The following PACRG variants were observed in gnomAD, a reference collection of about 807,000 sequenced individuals.
PACRG encodes the protein parkin coregulated gene protein.
A neutral mutation model predicts 29.7 loss-of-function variants in PACRG; 29 were observed. The ratio of observed to expected loss-of-function variants is 0.98; its 90% confidence interval spans 0.73 to 1.33. The LOEUF is 1.33. PACRG is among the 40% of genes most tolerant of loss of function. PACRG has a pLI of 0.00. For synonymous variants in PACRG, 116 were observed against 118.7 expected (o/e 0.98, Z 0.15); for missense variants, 279 against 316.2 (o/e 0.88, Z 0.89).
intron 4 of PACRG, among the ~76,000 whole-genome samples, chr6:163,173,490 CG>C (rs1286336187): frequency 1.3e-5 from 2 of 152,132 alleles, no homozygotes; most frequent in East Asian, 3.9e-4. Context: ...TTTTAGAAAA[CG>C]AAGCATGAAT....
At chr6:163,069,597 AAC>A (rs1321625136) in intron 3 of PACRG, among the ~76,000 whole-genome samples, 2 of 151,652 alleles carry the variant, frequency 1.3e-5, no homozygotes, top group African/African-American at 4.9e-5. Flanking sequence ...GCTATTGGAA[AAC>A]ACACACTCAG....
At chr6:163,283,778 G>A (rs1291440221) in intron 4 of PACRG, among the ~76,000 whole-genome samples, 6 of 146,608 alleles carry the variant, frequency 4.1e-5, no homozygotes, top group African/African-American at 1.0e-4. Flanking sequence ...TCCGCAGTCC[G>A]GCCTGGGCGA....
chr6:162,865,130 G>A (rs1405881549), intron 2 of PACRG, among the ~76,000 whole-genome samples: 1 of 152,090 alleles, frequency 6.6e-6, no homozygotes, highest in Non-Finnish European at 1.5e-5. Flanking sequence ...AAGAAACCTA[G>A]GAAAATGGCC....
intron 4 of PACRG, among the ~76,000 whole-genome samples, chr6:163,203,115 A>G (rs535865044): frequency 3.3e-5 from 5 of 152,144 alleles, no homozygotes; most frequent in South Asian, 2.1e-4. Flanking sequence ...AGCACTGTAG[A>G]TGGGACCAGG....
chr6:162,934,426 G>T (rs1798092581), intron 2 of PACRG, among the ~76,000 whole-genome samples: 1 of 152,126 alleles, frequency 6.6e-6, no homozygotes, highest in South Asian at 2.1e-4. Flanking sequence ...GAGGTTCAGG[G>T]TGACAAATAT....
intron 1 of PACRG, among the ~76,000 whole-genome samples, chr6:162,753,806 G>A (rs1781696724): frequency 6.6e-6 from 1 of 152,100 alleles, no homozygotes; most frequent in African/African-American, 2.4e-5. Flanking sequence ...TGCCATGATT[G>A]TAATTTTCCT....
chr6:163,269,906 G>GA lies in PACRG; in HGVS notation c.614-44918dup, dbSNP rs1208314620. Among the ~76,000 whole-genome samples, 18 of 63,656 alleles carry GA rather than the reference G, an allele frequency of 2.8e-4. 3 individuals carry two copies. The highest frequency in any genetic ancestry group is 1.4e-3 in the African/African-American group (17 of 11,892). 41.8% of individuals were successfully genotyped at this position (63,656 alleles called of 152,430 possible). A position where few individuals can be genotyped will look rare whatever the true frequency, so the allele number is the denominator to read the frequency against. On this transcript the variant is annotated intron_variant, in intron 4 of 4. Coordinates refer to ENST00000366888, the MANE Select transcript of PACRG (RefSeq NM_001080379.2). Reference sequence around the variant, plus strand: ...GAAAGAAAGAAAACAAAGAAAGAAAGAAAGAAAGAAAGAAAGAAAGAAAAC... The same window carrying GA: ...GAAAGAAAGAAAACAAAGAAAGAAAGAAAAGAAAGAAAGAAAGAAAGAAAAC...
chr6:162,937,304 CAT>C (rs1419186020), intron 2 of PACRG, among the ~76,000 whole-genome samples: 5 of 152,160 alleles, frequency 3.3e-5, no homozygotes, highest in African/African-American at 1.2e-4. Flanking sequence ...ATCATCTTAA[CAT>C]GTGGTATCAG....
chr6:163,016,656 A>G (rs1482509673), intron 2 of PACRG, among the ~76,000 whole-genome samples: 4 of 152,138 alleles, frequency 2.6e-5, no homozygotes, highest in African/African-American at 9.7e-5. Context: ...TTTTTATGAT[A>G]TGCAAGCACA....
At chr6:163,248,377 T>G (rs1037127255) in intron 4 of PACRG, among the ~76,000 whole-genome samples, 8 of 151,756 alleles carry the variant, frequency 5.3e-5, no homozygotes, top group African/African-American at 1.9e-4. Flanking sequence ...CTCAGCACCC[T>G]TTCAAGATAT....
chr6:163,026,848 G>T (rs1807179116), intron 2 of PACRG, among the ~76,000 whole-genome samples: 1 of 152,246 alleles, frequency 6.6e-6, no homozygotes, highest in Admixed American at 6.5e-5. Context: ...TTACAGAAGA[G>T]GTGCCGTAGC....
chr6:162,810,827 T>C (rs187525527), intron 1 of PACRG, among the ~76,000 whole-genome samples: 11 of 152,190 alleles, frequency 7.2e-5, no homozygotes, highest in East Asian at 1.9e-4. Context: ...ATTAATGTCA[T>C]TGGAGTCTAC....
At chr6:162,771,953 A>G (rs1479736657) in intron 1 of PACRG, among the ~76,000 whole-genome samples, 1 of 152,158 alleles carries the variant, frequency 6.6e-6, no homozygotes, top group Non-Finnish European at 1.5e-5. Flanking sequence ...AGGATAAAAT[A>G]CCCTGCTCTG....
chr6:162,747,324 T>TCATATATATA (rs1781068885), intron 1 of PACRG, among the ~76,000 whole-genome samples: 1 of 39,578 alleles, frequency 2.5e-5, no homozygotes, highest in Non-Finnish European at 4.7e-5. Flanking sequence ...CTCTCCTTGC[T>TCATATATATA]CATATATATA....
intron 4 of PACRG, among the ~76,000 whole-genome samples, chr6:163,271,154 A>C (rs1783810638): frequency 6.6e-6 from 1 of 152,180 alleles, no homozygotes; most frequent in African/African-American, 2.4e-5. Context: ...AGCTTCCAGC[A>C]CGGGAGAAAG....
In PACRG at chr6:163,255,350, A is replaced by C. The variant is rs543837733; in HGVS notation, c.614-59477A>C. Among the ~76,000 whole-genome samples, 71 of 152,312 alleles carry C rather than the reference A, an allele frequency of 4.7e-4. 2 individuals are homozygous for C. The South Asian group carries it at 0.014, about 30-fold the overall frequency. Reference sequence around the variant, plus strand: ...TGCAAGGATTTCCAGGCAGGCAGGCAGGTGACCTGAATCCAGGTACCTTCA... The same window carrying C: ...TGCAAGGATTTCCAGGCAGGCAGGCCGGTGACCTGAATCCAGGTACCTTCA... On this transcript the variant is annotated intron_variant, in intron 4 of 4. Coordinates refer to ENST00000366888, the MANE Select transcript of PACRG (RefSeq NM_001080379.2).
intron 1 of PACRG, among the ~76,000 whole-genome samples, chr6:162,759,167 A>G (rs771443238): frequency 1.3e-5 from 2 of 152,240 alleles, no homozygotes; most frequent in Non-Finnish European, 2.9e-5. Context: ...TCCACTATTT[A>G]CAATTCATCT....
chr6:163,158,681 C>A (rs1041962894), intron 4 of PACRG, among the ~76,000 whole-genome samples: 1 of 152,116 alleles, frequency 6.6e-6, no homozygotes, highest in East Asian at 1.9e-4. Context: ...TAATACATCA[C>A]AGTGTTAAGA....
intron 1 of PACRG, among the ~76,000 whole-genome samples, chr6:162,770,717 C>T (rs1783154991): frequency 6.6e-6 from 1 of 152,086 alleles, no homozygotes; most frequent in Admixed American, 6.6e-5. Flanking sequence ...GCTTAACAGA[C>T]TTGATTTTAA....
Sources: gnomAD v4.1 joint callset for allele counts (sites outside exome capture counted in the v4.1 genomes callset) on GRCh38, gnomAD v4.1.1 for gene constraint, MANE v1.5 for transcripts, NCBI Gene and HGNC (gene_info 2026-07-23, HGNC 2026-07-21) for gene names.